The following NT5C2 variants were observed in gnomAD, a reference collection of about 807,000 sequenced individuals.
The protein encoded by NT5C2 is 5'-nucleotidase, cytosolic II.
NT5C2 carries 58 observed loss-of-function variants against 76.1 expected under a neutral mutation model. The observed-to-expected ratio is 0.76, with a 90% CI of 0.62 to 0.95. The LOEUF is 0.95. Among genes scored for constraint, NT5C2 ranks in the 40% least tolerant of loss-of-function variants. The pLI, the probability that NT5C2 is intolerant of heterozygous loss-of-function variation, is 0.00. For synonymous variants in NT5C2, 229 were observed against 237.4 expected (o/e 0.96, Z 0.32); for missense variants, 478 against 690.3 (o/e 0.69, Z 3.45).
At chr10:103,127,938 C>T (rs551188161) in intron 4 of NT5C2, among the ~76,000 whole-genome samples, 2 of 152,156 alleles carry the variant, frequency 1.3e-5, no homozygotes, top group South Asian at 4.1e-4. Flanking sequence ...AGGTTATCCT[C>T]CCGCCTCAGC....
chr10:103,090,804 G>T lies in NT5C2; in HGVS notation c.1273-17C>A. The T allele has an allele frequency of 6.2e-7, 1 of 1,613,098 alleles. No homozygotes were observed. Among genetic ancestry groups the T allele is most frequent in the Non-Finnish European group, 8.5e-7 (1 of 1,179,338 alleles). ...AGTTACTTTCTAAAACAAAGAACAAGATTGATTCTTGGCTCATTCAACAAA... is the reference window on the plus strand; with the variant it reads ...AGTTACTTTCTAAAACAAAGAACAATATTGATTCTTGGCTCATTCAACAAA... On this transcript the variant is annotated splice_polypyrimidine_tract_variant and intron_variant, in intron 17 of 18. Coordinates refer to ENST00000404739, the MANE Select transcript of NT5C2 (RefSeq NM_001351169.2).
chr10:103,138,477 T>G (rs1305248419), intron 4 of NT5C2, among the ~76,000 whole-genome samples: 1 of 152,126 alleles, frequency 6.6e-6, no homozygotes, highest in Non-Finnish European at 1.5e-5. Flanking sequence ...TCCCCCTCCC[T>G]GTGTTCATGT....
intron 3 of NT5C2, among the ~76,000 whole-genome samples, chr10:103,162,519 ATACACTAGAATAAC>A (rs1182083579): frequency 1.3e-5 from 2 of 152,208 alleles, no homozygotes; most frequent in African/African-American, 4.8e-5. Flanking sequence ...GCCACTATGT[ATACACTAGAATAAC>A]TTTTAAATTA....
At chr10:103,105,216 A>G (rs1443762695) in intron 6 of NT5C2, 1 of 177,132 alleles carries the variant, frequency 5.6e-6, no homozygotes, top group Non-Finnish European at 1.3e-5. Context: ...TTATGTTTAC[A>G]TTTTTTTAAT....
chr10:103,091,773 A>AACTC (rs1268351605), intron 15 of NT5C2, among the ~76,000 whole-genome samples, 158 bp from the exon 16 acceptor site: 1 of 152,204 alleles, frequency 6.6e-6, no homozygotes, highest in African/African-American at 2.4e-5. Flanking sequence ...TCTTCAGGAT[A>AACTC]ACTCACTGAT....
In NT5C2 at chr10:103,089,700, T is replaced by C; in HGVS notation, c.1658A>G (p.Asp553Gly). ...EITHCHDEDD[D>G]EEEEEEEE is the part of the protein sequence containing the mutation. ...TTCTTCCTCCTCCTCCTCCTCTTCA[T>C]CATCATCTTCGTCATGGCAGTGTGT... The change falls in exon 19 of 19, where the codon GAT becomes GGT. Residue 553 changes from aspartate to glycine, a missense_variant. Coordinates refer to ENST00000404739, the MANE Select transcript of NT5C2 (RefSeq NM_001351169.2). 6.2e-7 allele frequency: 1 copy of C among 1,610,950 alleles called. No homozygotes were observed. The highest frequency in any genetic ancestry group is 1.7e-5 in the Admixed American group (1 of 59,664).
intron 3 of NT5C2, among the ~76,000 whole-genome samples, chr10:103,140,908 A>T (rs187724679): frequency 6.6e-6 from 1 of 152,146 alleles, no homozygotes; most frequent in Non-Finnish European, 1.5e-5. Context: ...AGGTCCTCAT[A>T]TATTTTAGAT....
chr10:103,136,626 AT>A (rs71019660), intron 4 of NT5C2, among the ~76,000 whole-genome samples: 13,266 of 142,864 alleles, frequency 0.093, 710 homozygotes, highest in East Asian at 0.28. Context: ...TCAGTTAATT[AT>A]TTTTTTTTTT....
intron 4 of NT5C2, among the ~76,000 whole-genome samples, chr10:103,123,847 T>TGG (rs111919326): frequency 2.6e-4 from 39 of 150,646 alleles, no homozygotes; most frequent in African/African-American, 3.4e-4. Flanking sequence ...CCTTCGAAAT[T>TGG]GGGGGGGGAA....
intron 3 of NT5C2, among the ~76,000 whole-genome samples, chr10:103,155,939 G>A (rs1203327411): frequency 1.3e-5 from 2 of 152,070 alleles, no homozygotes; most frequent in Non-Finnish European, 2.9e-5. Context: ...TGAACTGGGA[G>A]GACTGCTTGA....
chr10:103,165,843 T>C (rs1252914653), intron 3 of NT5C2, among the ~76,000 whole-genome samples: 1 of 152,214 alleles, frequency 6.6e-6, no homozygotes, highest in Non-Finnish European at 1.5e-5. Flanking sequence ...GGCTAATTTG[T>C]ATTTTTAGCA....
At chr10:103,192,564 G>C (rs1193501094) in intron 1 of NT5C2, among the ~76,000 whole-genome samples, 1 of 152,240 alleles carries the variant, frequency 6.6e-6, no homozygotes, top group Non-Finnish European at 1.5e-5. Flanking sequence ...TCAGCCCCCT[G>C]ACCAGGAGCT....
Position 103,089,578 on chromosome 10 carries a change from CT to C in NT5C2, c.*93del. The C allele has an allele frequency of 7.0e-7, 1 of 1,432,352 alleles. No homozygotes were observed. The highest frequency in any genetic ancestry group is 9.2e-7 in the Non-Finnish European group (1 of 1,091,274). 88.7% of individuals were successfully genotyped at this position (1,432,352 alleles called of 1,614,324 possible). ...ACGTACCTTTCATGGAGCCCCCTCC[CT>C]CCCCCGAGTAGAACCCTAACAGGGA... On this transcript the variant is annotated 3_prime_UTR_variant, in exon 19 of 19. Transcript: ENST00000404739.
At chr10:103,090,178 C>T in intron 18 of NT5C2, 1 of 403,608 alleles carries the variant, frequency 2.5e-6, no homozygotes, top group Non-Finnish European at 4.4e-6. Flanking sequence ...ACAGCAAAAA[C>T]AAGATAGTCC....
At chr10:103,190,770 T>C (rs2092575636) in intron 1 of NT5C2, among the ~76,000 whole-genome samples, 1 of 152,214 alleles carries the variant, frequency 6.6e-6, no homozygotes. Flanking sequence ...GTATTTTGTG[T>C]TAAATGTCTA....
At chr10:103,165,260 A>G (rs1274640185) in intron 3 of NT5C2, among the ~76,000 whole-genome samples, 2 of 152,096 alleles carry the variant, frequency 1.3e-5, no homozygotes, top group Admixed American at 1.3e-4. Flanking sequence ...TTGGGAGGCC[A>G]AGGCGGGTGG....
intron 3 of NT5C2, among the ~76,000 whole-genome samples, chr10:103,148,661 C>A (rs1175221817): frequency 6.6e-6 from 1 of 151,550 alleles, no homozygotes; most frequent in Non-Finnish European, 1.5e-5. Context: ...GTGCTCACTT[C>A]GGCAGCACAC....
At chr10:103,139,263 T>C in intron 4 of NT5C2, 143 bp downstream of exon 4, 1 of 505,126 alleles carries the variant, frequency 2.0e-6, no homozygotes, top group Non-Finnish European at 3.5e-6. Context: ...TTCACAAATC[T>C]TACTGGAAGC....
intron 13 of NT5C2, 68 bp from the exon 14 acceptor site, chr10:103,094,106 C>CCA: frequency 8.1e-7 from 1 of 1,234,740 alleles, no homozygotes; most frequent in Admixed American, 1.7e-5. Context: ...ACCCCACAAC[C>CCA]CTCCCATCCC....
Sources: gnomAD v4.1 joint callset for allele counts (sites outside exome capture counted in the v4.1 genomes callset) on GRCh38, gnomAD v4.1.1 for gene constraint, MANE v1.5 for transcripts, NCBI Gene and HGNC (gene_info 2026-07-23, HGNC 2026-07-21) for gene names.